Variants in FOXJ3 observed in about 807,000 individuals in gnomAD.
FOXJ3 encodes forkhead box J3.
FOXJ3 carries 22 observed loss-of-function variants against 76.1 expected under a neutral mutation model. The ratio of observed to expected loss-of-function variants is 0.29; its 90% CI spans 0.21 to 0.41. FOXJ3 has a LOEUF of 0.41. FOXJ3 is among the 10% of genes least tolerant of loss of function. FOXJ3 has a pLI of 1.00. For synonymous variants in FOXJ3, 269 were observed against 261.2 expected (o/e 1.03, Z -0.29); for missense variants, 613 against 762.1 (o/e 0.80, Z 2.30).
intron 1 of FOXJ3, among the ~76,000 whole-genome samples, chr1:42,325,609 A>G (rs940663574): frequency 6.6e-6 from 1 of 152,194 alleles, no homozygotes; most frequent in Non-Finnish European, 1.5e-5. Context: ...ACACTACCTT[A>G]AAGAAGCACT....
intron 3 of FOXJ3, among the ~76,000 whole-genome samples, chr1:42,269,731 C>A (rs992488078): frequency 6.6e-6 from 1 of 152,108 alleles, no homozygotes; most frequent in African/African-American, 2.4e-5. Flanking sequence ...CAATGAGAAA[C>A]CTAAAAAACA....
intron 1 of FOXJ3, among the ~76,000 whole-genome samples, chr1:42,315,739 G>A (rs890346622): frequency 2.0e-5 from 3 of 152,338 alleles, no homozygotes; most frequent in Admixed American, 2.0e-4. Context: ...AAATTTCAAA[G>A]TCCTCCAAGT....
intron 2 of FOXJ3, among the ~76,000 whole-genome samples, chr1:42,286,931 G>A (rs1653094850): frequency 6.6e-6 from 1 of 151,870 alleles, no homozygotes; most frequent in African/African-American, 2.4e-5. Flanking sequence ...ACCACGCCCA[G>A]CCAAGTCCTG....
At position 42,278,339 on chromosome 1, in the gene FOXJ3, A is replaced by T; in HGVS notation, c.369+9T>A. Reference sequence around the variant, plus strand: ...TTCATAAAAGTAATAATTTAAATAAAATCCTTACCTTCCAACCACTGCCAG... The same window carrying T: ...TTCATAAAAGTAATAATTTAAATAATATCCTTACCTTCCAACCACTGCCAG... On this transcript the variant is annotated intron_variant, in intron 3 of 12. Transcript: ENST00000361346. The T allele has an allele frequency of 6.4e-7, 1 of 1,563,124 alleles. No individual in the cohort carries two copies. Among genetic ancestry groups the T allele is most frequent in the Non-Finnish European group, 8.8e-7 (1 of 1,141,088 alleles).
intron 4 of FOXJ3, among the ~76,000 whole-genome samples, chr1:42,240,524 G>C (rs577340110): frequency 6.6e-6 from 1 of 152,152 alleles, no homozygotes; most frequent in Non-Finnish European, 1.5e-5. Context: ...ACAGATCAAT[G>C]GAACTGATCC....
intron 6 of FOXJ3, 23 bp downstream of exon 6, chr1:42,205,739 A>C: frequency 7.8e-7 from 1 of 1,288,302 alleles, no homozygotes; most frequent in Non-Finnish European, 1.1e-6. Context: ...ACATTTCAAT[A>C]ATGTTTAAAA....
chr1:42,333,484 T>A (rs572066343), intron 1 of FOXJ3, among the ~76,000 whole-genome samples: 1 of 152,146 alleles, frequency 6.6e-6, no homozygotes. Flanking sequence ...AAGATTCACC[T>A]CAATTCTGAG....
intron 7 of FOXJ3, among the ~76,000 whole-genome samples, chr1:42,196,418 G>A (rs552846804): frequency 1.3e-5 from 2 of 152,340 alleles, no homozygotes; most frequent in African/African-American, 4.8e-5. Context: ...AGGGCCGGGT[G>A]CAGTGGCTCA....
At chr1:42,224,816 G>C (rs1230263642) in intron 5 of FOXJ3, among the ~76,000 whole-genome samples, 1 of 152,068 alleles carries the variant, frequency 6.6e-6, no homozygotes, top group East Asian at 1.9e-4. Context: ...GCTGGGCCCA[G>C]TGGCTCACAT....
intron 2 of FOXJ3, among the ~76,000 whole-genome samples, chr1:42,296,325 T>A (rs1178049317): frequency 6.6e-6 from 1 of 152,230 alleles, no homozygotes; most frequent in Non-Finnish European, 1.5e-5. Flanking sequence ...AGCTTTAGTT[T>A]AATTAAGTCT....
At chr1:42,213,564 A>G (rs1373257525) in intron 5 of FOXJ3, among the ~76,000 whole-genome samples, 3 of 152,142 alleles carry the variant, frequency 2.0e-5, no homozygotes, top group Admixed American at 2.0e-4. Context: ...CCTAACTCCA[A>G]TGCTCCCAGA....
intron 5 of FOXJ3, among the ~76,000 whole-genome samples, chr1:42,226,976 G>A (rs1423745775): frequency 2.6e-5 from 4 of 152,178 alleles, no homozygotes; most frequent in Non-Finnish European, 4.4e-5. Flanking sequence ...GATTCATGCT[G>A]CAAACATTTA....
chr1:42,332,315 T>A, intron 1 of FOXJ3, among the ~76,000 whole-genome samples: 1 of 152,222 alleles, frequency 6.6e-6, no homozygotes. Flanking sequence ...ACCTTTCATC[T>A]AACCGTTCAT....
chr1:42,237,073 T>C (rs1648701860), intron 4 of FOXJ3, among the ~76,000 whole-genome samples: 1 of 152,082 alleles, frequency 6.6e-6, no homozygotes, highest in Non-Finnish European at 1.5e-5. Flanking sequence ...ATTTGGATTA[T>C]AAGAATATAG....
intron 2 of FOXJ3, among the ~76,000 whole-genome samples, chr1:42,301,504 C>T (rs145351443): frequency 5.9e-5 from 9 of 152,240 alleles, no homozygotes; most frequent in Non-Finnish European, 1.0e-4. Context: ...CACCGGACTT[C>T]GTTCACTTAT....
At chr1:42,266,955 G>C (rs1439916113) in intron 3 of FOXJ3, among the ~76,000 whole-genome samples, 1 of 152,086 alleles carries the variant, frequency 6.6e-6, no homozygotes. Context: ...GCTGCTGGAG[G>C]AAAAGTAGAA....
chr1:42,305,901 G>A (rs1390861480), intron 2 of FOXJ3, among the ~76,000 whole-genome samples: 2 of 152,094 alleles, frequency 1.3e-5, no homozygotes, highest in Non-Finnish European at 2.9e-5. Context: ...AAACACTTGA[G>A]GTGATGAATA....
At chr1:42,271,609 T>G (rs1651872331) in intron 3 of FOXJ3, among the ~76,000 whole-genome samples, 1 of 152,182 alleles carries the variant, frequency 6.6e-6, no homozygotes, top group Non-Finnish European at 1.5e-5. Context: ...AACAACTTAA[T>G]AAGTTAACTT....
chr1:42,277,976 CA>C (rs755384247), intron 3 of FOXJ3, among the ~76,000 whole-genome samples: 3,937 of 51,600 alleles, frequency 0.076, 126 homozygotes, highest in African/African-American at 0.19. Flanking sequence ...GACTCCATCT[CA>C]AAAAAAAAAA....
Sources: gnomAD v4.1 joint callset for allele counts (sites outside exome capture counted in the v4.1 genomes callset) on GRCh38, gnomAD v4.1.1 for gene constraint, MANE v1.5 for transcripts, NCBI Gene and HGNC (gene_info 2026-07-23, HGNC 2026-07-21) for gene names.